Variants in SLC35F4 observed in about 807,000 individuals in gnomAD.
SLC35F4 encodes chromosome 14 open reading frame 36.
Under a neutral mutation model 44.2 loss-of-function variants are expected in SLC35F4, and 24 were observed. The observed-to-expected ratio is 0.54, with a 90% CI of 0.39 to 0.76. SLC35F4 has a LOEUF of 0.76. SLC35F4 is among the 30% of genes least tolerant of loss of function. SLC35F4 has a pLI of 0.00. For synonymous variants in SLC35F4, 238 were observed against 223.6 expected (o/e 1.06, Z -0.57); for missense variants, 562 against 586.1 (o/e 0.96, Z 0.42).
At chr14:57,598,246 C>T (rs1032774854) in intron 1 of SLC35F4, among the ~76,000 whole-genome samples, 2 of 152,218 alleles carry the variant, frequency 1.3e-5, no homozygotes, top group Admixed American at 1.3e-4. Flanking sequence ...CACTTTCAAT[C>T]TCACAGCTTT....
intron 1 of SLC35F4, among the ~76,000 whole-genome samples, chr14:57,806,823 A>C (rs1385846201): frequency 6.6e-6 from 1 of 152,218 alleles, no homozygotes; most frequent in Non-Finnish European, 1.5e-5. Context: ...TGTAATTTTG[A>C]ATATATCAAT....
chr14:57,612,706 C>G (rs148853871), intron 1 of SLC35F4, among the ~76,000 whole-genome samples: 1 of 152,220 alleles, frequency 6.6e-6, no homozygotes, highest in African/African-American at 2.4e-5. Flanking sequence ...TAATTATGCT[C>G]TACTGTGTTC....
At chr14:57,684,469 C>A (rs1375486935) in intron 1 of SLC35F4, among the ~76,000 whole-genome samples, 1 of 152,058 alleles carries the variant, frequency 6.6e-6, no homozygotes, top group East Asian at 1.9e-4. Context: ...GTGCAGTTCA[C>A]AATAGGGTTC....
intron 1 of SLC35F4, among the ~76,000 whole-genome samples, chr14:57,966,598 T>G (rs953494855): frequency 4.6e-5 from 7 of 152,202 alleles, no homozygotes; most frequent in Non-Finnish European, 8.8e-5. Flanking sequence ...ACGTGGGGAA[T>G]AGAGAAAGCA....
intron 1 of SLC35F4, among the ~76,000 whole-genome samples, chr14:57,786,196 TCTC>T (rs1338673230): frequency 6.6e-6 from 1 of 151,842 alleles, no homozygotes; most frequent in East Asian, 1.9e-4. Context: ...CAGCCATAAT[TCTC>T]CTAGGTACAC....
intron 1 of SLC35F4, among the ~76,000 whole-genome samples, chr14:57,935,107 T>TA (rs1889772854): frequency 6.6e-6 from 1 of 152,176 alleles, no homozygotes; most frequent in Admixed American, 6.5e-5. Flanking sequence ...ACAACTTTGA[T>TA]AAGCCTCTCT....
At chr14:57,867,331 G>A (rs1210057845), upstream of SLC35F4, among the ~76,000 whole-genome samples, 1 of 152,050 alleles carries the variant, frequency 6.6e-6, no homozygotes, top group African/African-American at 2.4e-5. Context: ...ATATGAAAAC[G>A]CAATATTAAA....
chr14:57,822,687 A>G (rs1883299705), intron 1 of SLC35F4, among the ~76,000 whole-genome samples: 1 of 152,198 alleles, frequency 6.6e-6, no homozygotes, highest in Admixed American at 6.5e-5. Flanking sequence ...ACAGCTGACT[A>G]TAATGTCCAA....
At chr14:57,864,085 A>T (rs1000037124) in intron 1 of SLC35F4, among the ~76,000 whole-genome samples, 4 of 152,192 alleles carry the variant, frequency 2.6e-5, no homozygotes, top group Admixed American at 6.5e-5. Context: ...CCAAAGTTCC[A>T]TTGTCATAAA....
intron 1 of SLC35F4, among the ~76,000 whole-genome samples, chr14:57,925,719 T>C (rs752980297): frequency 1.6e-4 from 24 of 152,104 alleles, no homozygotes; most frequent in Admixed American, 1.4e-3. Flanking sequence ...ATACTACAAG[T>C]GTATAGACAT....
At chr14:57,713,158 G>A (rs1229027947) in intron 1 of SLC35F4, among the ~76,000 whole-genome samples, 1 of 152,024 alleles carries the variant, frequency 6.6e-6, no homozygotes, top group Non-Finnish European at 1.5e-5. Flanking sequence ...TACTACCTTG[G>A]TTTAAGTCTT....
At chr14:57,697,715 GAAAGA>G (rs2075423360) in intron 1 of SLC35F4, among the ~76,000 whole-genome samples, 1 of 140,302 alleles carries the variant, frequency 7.1e-6, no homozygotes, top group Non-Finnish European at 1.6e-5. Context: ...AAAAAAAAAA[GAAAGA>G]AAATTCATGT....
intron 1 of SLC35F4, among the ~76,000 whole-genome samples, chr14:57,851,620 T>A (rs1412049048): frequency 1.3e-5 from 2 of 152,150 alleles, no homozygotes; most frequent in African/African-American, 4.8e-5. Flanking sequence ...GCCAGGAAGT[T>A]CCTATAAAAT....
intron 1 of SLC35F4, among the ~76,000 whole-genome samples, chr14:57,873,819 A>G (rs567802217): frequency 2.6e-5 from 4 of 152,200 alleles, no homozygotes; most frequent in East Asian, 1.9e-4. Flanking sequence ...TTTATGTGCA[A>G]TGTGCTGGAG....
intron 1 of SLC35F4, among the ~76,000 whole-genome samples, chr14:57,643,655 T>C (rs571671736): frequency 1.1e-4 from 17 of 152,190 alleles, no homozygotes; most frequent in Non-Finnish European, 1.8e-4. Flanking sequence ...TTAGGGTACA[T>C]GTGCACAACG....
chr14:57,849,854 C>T (rs879732920), intron 1 of SLC35F4, among the ~76,000 whole-genome samples: 5 of 152,166 alleles, frequency 3.3e-5, no homozygotes, highest in Admixed American at 2.0e-4. Flanking sequence ...AACTGACTAT[C>T]ACATTCTAAC....
chr14:57,868,187 T>C (rs1888223122), upstream of SLC35F4, among the ~76,000 whole-genome samples: 1 of 152,160 alleles, frequency 6.6e-6, no homozygotes, highest in Admixed American at 6.5e-5. Flanking sequence ...AAGTAAAAAT[T>C]TTCAGACTGA....
chr14:57,747,648 A>G (rs1053342643), intron 1 of SLC35F4, among the ~76,000 whole-genome samples: 2 of 152,148 alleles, frequency 1.3e-5, no homozygotes, highest in African/African-American at 4.8e-5. Context: ...CACTTCAACC[A>G]TCAATACTTC....
intron 5 of SLC35F4, among the ~76,000 whole-genome samples, chr14:57,570,571 G>A (rs1039147777): frequency 3.3e-5 from 5 of 152,124 alleles, no homozygotes; most frequent in Admixed American, 6.6e-5. Context: ...GAAGCAAATG[G>A]CTAACATAAA....
Sources: allele counts gnomAD v4.1 joint callset (sites outside exome capture counted in the v4.1 genomes callset), GRCh38; gene constraint gnomAD v4.1.1; transcripts MANE v1.5; gene names NCBI Gene and HGNC (gene_info 2026-07-23, HGNC 2026-07-21).